Variants in GRB10 observed in about 807,000 individuals in gnomAD.
The protein encoded by GRB10 is growth factor receptor-bound protein 10.
Under a neutral mutation model 80.9 loss-of-function variants are expected in GRB10, and 20 were observed. The observed-to-expected ratio is 0.25, with a 90% confidence interval of 0.17 to 0.36. The LOEUF is 0.36. Among genes scored for constraint, GRB10 ranks in the 10% least tolerant of loss-of-function variants. GRB10 has a pLI of 1.00. For synonymous variants in GRB10, 291 were observed against 291.5 expected, an observed-to-expected ratio of 1.00 and a Z score of 0.02; for missense variants, 548 against 747.7, an observed-to-expected ratio of 0.73 and a Z score of 3.12.
rs1056011346 is a variant in GRB10 at position 50,608,370 on chromosome 7, T to C, written c.1195-1956A>G. On this transcript the variant is annotated intron_variant, in intron 13 of 18. Coordinates refer to ENST00000401949, the MANE Select transcript of GRB10 (RefSeq NM_001350814.2). ...CTTGCATCCTATAACCAGTGAAACG[T>C]TCCTTCAAGAATGAAAGTGAAACAA... Among the ~76,000 whole-genome samples, 4 of 152,172 alleles carry C rather than the reference T, an allele frequency of 2.6e-5. No homozygotes were observed. The South Asian group carries it at 8.3e-4, about 32-fold the overall frequency.
chr7:50,613,791 A>G (rs544999927), intron 12 of GRB10, among the ~76,000 whole-genome samples: 50 of 152,234 alleles, frequency 3.3e-4, no homozygotes, highest in Admixed American at 1.4e-3. Context: ...CTTATAACCG[A>G]AAGAGTATTC....
chr7:50,706,900 C>A (rs1426642889), intron 4 of GRB10, among the ~76,000 whole-genome samples: 1 of 152,222 alleles, frequency 6.6e-6, no homozygotes, highest in East Asian at 1.9e-4. Flanking sequence ...TCCCTGGTGG[C>A]CCGCTGGCCT....
At chr7:50,769,534 C>T (rs2076753047) in intron 2 of GRB10, among the ~76,000 whole-genome samples, 1 of 152,208 alleles carries the variant, frequency 6.6e-6, no homozygotes, top group African/African-American at 2.4e-5. Flanking sequence ...CTCACCCTCC[C>T]TCCAAGGCTG....
intron 7 of GRB10, among the ~76,000 whole-genome samples, chr7:50,656,481 C>T (rs1382640816): frequency 1.3e-5 from 2 of 152,252 alleles, no homozygotes; most frequent in African/African-American, 4.8e-5. Flanking sequence ...AGACTCTCTT[C>T]TTCCTTCATC....
intron 5 of GRB10, among the ~76,000 whole-genome samples, chr7:50,680,886 G>C (rs1252159250): frequency 6.6e-6 from 1 of 151,990 alleles, no homozygotes; most frequent in African/African-American, 2.4e-5. Context: ...TTCCCTGAGG[G>C]CAGGGGCATT....
intron 5 of GRB10, among the ~76,000 whole-genome samples, chr7:50,701,791 C>T (rs946380232): frequency 1.3e-5 from 2 of 152,190 alleles, no homozygotes; most frequent in African/African-American, 4.8e-5. Context: ...GCCCAGGGTG[C>T]CCAAGTCTTG....
chr7:50,669,581 T>C (rs1413773079), intron 7 of GRB10, 141 bp downstream of exon 7: 2 of 815,210 alleles, frequency 2.5e-6, no homozygotes, highest in Non-Finnish European at 4.0e-6. Flanking sequence ...CAACAAGTAC[T>C]GTGACAACAA....
rs1225403785 is a variant in GRB10, at chr7:50,712,151, T to TC, written c.52-8244dup. ...TTGGTAAAAGCTGCAGTATCAGCACTCCTATTCTGCCAGTTGCAAGGTGTA... is the reference window on the plus strand; with the variant it reads ...TTGGTAAAAGCTGCAGTATCAGCACTCCCTATTCTGCCAGTTGCAAGGTGTA... On this transcript the variant is annotated intron_variant, in intron 4 of 18. Coordinates refer to ENST00000401949, the MANE Select transcript of GRB10 (RefSeq NM_001350814.2). Among the ~76,000 whole-genome samples the TC allele has an allele frequency of 2.0e-5, 3 of 152,252 alleles. No individual in the cohort carries two copies. The East Asian group carries it at 5.8e-4, about 29-fold the overall frequency.
intron 4 of GRB10, among the ~76,000 whole-genome samples, chr7:50,714,641 C>A (rs918336152): frequency 1.3e-5 from 2 of 149,012 alleles, no homozygotes; most frequent in African/African-American, 5.0e-5. Context: ...CCAGCCTGGG[C>A]TACATAGCGA....
At chr7:50,604,791 G>A in intron 15 of GRB10, 3 of 333,838 alleles carry the variant, frequency 9.0e-6, no homozygotes, top group South Asian at 8.3e-5. Flanking sequence ...AAATGCCAGA[G>A]TCCAGGCTCC....
chr7:50,650,865 GGATA>G (rs1193020211), intron 7 of GRB10, among the ~76,000 whole-genome samples: 1 of 124,776 alleles, frequency 8.0e-6, no homozygotes, highest in Non-Finnish European at 1.8e-5. Flanking sequence ...AAAAATCAAG[GGATA>G]GAGAGAGGAG....
intron 13 of GRB10, among the ~76,000 whole-genome samples, chr7:50,608,840 C>T (rs1220446534): frequency 6.6e-6 from 1 of 151,802 alleles, no homozygotes; most frequent in Non-Finnish European, 1.5e-5. Flanking sequence ...AAGTGCATGC[C>T]TGTAGTCCCA....
At chr7:50,775,069 G>A (rs1295979229) in intron 2 of GRB10, among the ~76,000 whole-genome samples, 1 of 149,014 alleles carries the variant, frequency 6.7e-6, no homozygotes, top group Admixed American at 6.7e-5. Flanking sequence ...GCTGAAGTGG[G>A]AAGATAGCTT....
intron 3 of GRB10, among the ~76,000 whole-genome samples, chr7:50,739,724 C>G (rs893497323): frequency 6.6e-6 from 1 of 152,214 alleles, no homozygotes; most frequent in African/African-American, 2.4e-5. Context: ...TGGTCAACAT[C>G]GGGGTCACCA....
chr7:50,704,539 T>C (rs1387618162), intron 4 of GRB10, among the ~76,000 whole-genome samples: 3 of 152,206 alleles, frequency 2.0e-5, no homozygotes, highest in Admixed American at 1.3e-4. Context: ...TAGAGAGATG[T>C]CTGTTTTCTC....
intron 17 of GRB10, among the ~76,000 whole-genome samples, chr7:50,597,909 G>A (rs968452432): frequency 2.0e-5 from 3 of 152,258 alleles, no homozygotes; most frequent in Non-Finnish European, 4.4e-5. Context: ...TGTCACCCAG[G>A]CTGGAGTGCA....
intron 4 of GRB10, among the ~76,000 whole-genome samples, chr7:50,728,511 G>A (rs893358088): frequency 6.6e-6 from 1 of 152,034 alleles, no homozygotes; most frequent in South Asian, 2.1e-4. Context: ...GATACAAGGA[G>A]GCCCCCTTGA....
intron 6 of GRB10, among the ~76,000 whole-genome samples, chr7:50,673,794 T>C (rs1242161489): frequency 6.6e-6 from 1 of 152,128 alleles, no homozygotes; most frequent in Non-Finnish European, 1.5e-5. Context: ...GCACACAAAG[T>C]GCTTCAGCAC....
chr7:50,692,447 A>G (rs1226191516), intron 5 of GRB10, among the ~76,000 whole-genome samples: 2 of 152,104 alleles, frequency 1.3e-5, no homozygotes, highest in South Asian at 2.1e-4. Context: ...TCTCTCATCA[A>G]TCATGCCCTC....
Sources: allele counts gnomAD v4.1 joint callset (sites outside exome capture counted in the v4.1 genomes callset), GRCh38; gene constraint gnomAD v4.1.1; transcripts MANE v1.5; gene names NCBI Gene and HGNC (gene_info 2026-07-23, HGNC 2026-07-21).